The following AEBP2 variants were observed in gnomAD, a reference collection of about 807,000 sequenced individuals.
AEBP2 encodes the protein AE binding protein 2, also known as zinc finger protein AEBP2.
In AEBP2, 10 loss-of-function variants were observed where a neutral mutation model predicts 50.8. That is an observed-to-expected ratio of 0.20 (90% CI 0.12 to 0.33). The LOEUF is 0.33. Ranked by LOEUF, AEBP2 falls within the 10% of genes least tolerant of loss-of-function variation. The pLI, the probability that AEBP2 is intolerant of heterozygous loss-of-function variation, is 1.00. For missense variants in AEBP2, 570 were observed against 688.0 expected (o/e 0.83, Z 1.92); for synonymous variants, 296 against 261.3 (o/e 1.13, Z -1.28).
intron 4 of AEBP2, among the ~76,000 whole-genome samples, chr12:19,498,818 A>T (rs939199632): frequency 6.6e-6 from 1 of 152,122 alleles, no homozygotes; most frequent in African/African-American, 2.4e-5. Context: ...TGATCACACT[A>T]AAATACTGCC....
chr12:19,440,075 G>A lies in AEBP2; in HGVS notation c.376G>A (p.Val126Met). ...GGAGGAGAGTAGCGCCGAGAGCCTG[G>A]TGGGCAGCAGCGGCGGGAGCAGCAG... is the stretch of plus-strand genomic sequence containing the variant. ...GEEESSAESL[V>M]GSSGGSSSDE... Residue 126 changes from valine (V) to methionine (M), a missense_variant, in exon 1 of 8, where the codon GTG becomes ATG. Physicochemically the swap from Val to Met is conservative, Grantham distance 21. Transcript: ENST00000266508. The A allele has an allele frequency of 6.6e-7, 1 of 1,513,132 alleles. No individual in the cohort carries two copies. Among genetic ancestry groups the A allele is most frequent in the East Asian group, 2.6e-5 (1 of 37,792 alleles). The allele number at this position is 1,513,132 out of a possible 1,614,324, so 93.7% of individuals were successfully genotyped here. A position where few individuals can be genotyped will look rare whatever the true frequency, so the allele number is the denominator to read the frequency against.
chr12:19,474,300 A>C (rs1025509811), intron 3 of AEBP2, among the ~76,000 whole-genome samples: 27 of 152,342 alleles, frequency 1.8e-4, no homozygotes, highest in African/African-American at 6.0e-4. Flanking sequence ...GGAGTTTAAT[A>C]GTTGTTAAAA....
chr12:19,425,571 C>T (rs982437032), intron 1 of AEBP2, among the ~76,000 whole-genome samples: 4 of 151,714 alleles, frequency 2.6e-5, no homozygotes, highest in African/African-American at 4.8e-5. Flanking sequence ...TTTGAGAGTT[C>T]GAGACCAGGC....
At chr12:19,483,128 T>C (rs1397866311) in intron 3 of AEBP2, among the ~76,000 whole-genome samples, 1 of 152,140 alleles carries the variant, frequency 6.6e-6, no homozygotes, top group East Asian at 1.9e-4. Flanking sequence ...TACTATCTCA[T>C]TTAGAAGCTT....
chr12:19,440,677 T>A, intron 1 of AEBP2: 1 of 1,532,864 alleles, frequency 6.5e-7, no homozygotes, highest in Non-Finnish European at 8.7e-7. Flanking sequence ...CGGGCCCAGA[T>A]CCTCTGGCGG....
At chr12:19,431,436 C>A (rs975110337) in intron 1 of AEBP2, among the ~76,000 whole-genome samples, 2 of 152,082 alleles carry the variant, frequency 1.3e-5, no homozygotes, top group African/African-American at 4.8e-5. Flanking sequence ...TTTGGCAAGT[C>A]AGATATAAAA....
chr12:19,497,714 C>T (rs139853660), intron 4 of AEBP2, among the ~76,000 whole-genome samples: 6 of 152,180 alleles, frequency 3.9e-5, no homozygotes, highest in African/African-American at 9.6e-5. Context: ...TCAAGTGATC[C>T]GCCTCCTGCC....
intron 2 of AEBP2, among the ~76,000 whole-genome samples, chr12:19,468,585 TG>T (rs1948522665): frequency 6.6e-6 from 1 of 152,238 alleles, no homozygotes; most frequent in Non-Finnish European, 1.5e-5. Flanking sequence ...CATAGATGTT[TG>T]TGCATTTATC....
intron 1 of AEBP2, among the ~76,000 whole-genome samples, chr12:19,416,530 C>G (rs750424728): frequency 6.6e-6 from 1 of 150,930 alleles, no homozygotes; most frequent in African/African-American, 2.4e-5. Context: ...CTCAGGCTCC[C>G]GAGTAGCTGG....
chr12:19,434,640 C>T (rs1487993925), upstream of AEBP2, among the ~76,000 whole-genome samples: 1 of 152,190 alleles, frequency 6.6e-6, no homozygotes, highest in Non-Finnish European at 1.5e-5. Context: ...TCAGGATCAT[C>T]AAACCTGTCA....
chr12:19,468,427 G>T (rs561401351), intron 2 of AEBP2, among the ~76,000 whole-genome samples: 168 of 152,248 alleles, frequency 1.1e-3, no homozygotes, highest in African/African-American at 3.3e-3. Flanking sequence ...TCTGCATTTA[G>T]AATATATTTG....
intron 4 of AEBP2, among the ~76,000 whole-genome samples, chr12:19,496,607 T>C (rs191122398): frequency 6.6e-6 from 1 of 152,160 alleles, no homozygotes; most frequent in African/African-American, 2.4e-5. Context: ...ACCTTATAAA[T>C]AGCAGCACTG....
chr12:19,475,705 A>G (rs1304001168), intron 3 of AEBP2, among the ~76,000 whole-genome samples: 12 of 152,052 alleles, frequency 7.9e-5, no homozygotes, highest in Admixed American at 3.9e-4. Flanking sequence ...TTATATTCTC[A>G]CCAGCAGTGT....
intron 5 of AEBP2, among the ~76,000 whole-genome samples, chr12:19,511,271 GTTC>G (rs1949228405): frequency 6.6e-6 from 1 of 152,132 alleles, no homozygotes; most frequent in Admixed American, 6.5e-5. Flanking sequence ...TATGATAACT[GTTC>G]TTCTGTAAAA....
chr12:19,487,472 C>A (rs1451731347), intron 3 of AEBP2, among the ~76,000 whole-genome samples: 5 of 152,172 alleles, frequency 3.3e-5, no homozygotes, highest in African/African-American at 4.8e-5. Flanking sequence ...AATCCCAGCA[C>A]TTTGGGAGGC....
chr12:19,447,193 A>G (rs1400807104), intron 1 of AEBP2, among the ~76,000 whole-genome samples: 1 of 152,224 alleles, frequency 6.6e-6, no homozygotes, highest in Non-Finnish European at 1.5e-5. Flanking sequence ...ACAAGTGTGT[A>G]CGTCTCTCAG....
At chr12:19,484,664 C>T (rs7955129) in intron 3 of AEBP2, among the ~76,000 whole-genome samples, 38,588 of 151,964 alleles carry the variant, frequency 0.25, 5,663 homozygotes, top group African/African-American at 0.41. Flanking sequence ...TGAGCCACCG[C>T]GCCTGGCCCA....
chr12:19,473,118 T>G (rs957576273), intron 2 of AEBP2, 130 bp from the exon 3 acceptor site: 1 of 360,402 alleles, frequency 2.8e-6, no homozygotes, highest in Non-Finnish European at 4.8e-6. Flanking sequence ...ATTAAGCATT[T>G]TGATTGGCTT....
chr12:19,486,306 A>T (rs1012260548), intron 3 of AEBP2, among the ~76,000 whole-genome samples: 6 of 152,182 alleles, frequency 3.9e-5, no homozygotes, highest in African/African-American at 7.2e-5. Context: ...ATTTAAAAAC[A>T]TTGCTCTGTA....
Sources: gnomAD v4.1 joint callset for allele counts (sites outside exome capture counted in the v4.1 genomes callset) on GRCh38, gnomAD v4.1.1 for gene constraint, MANE v1.5 for transcripts, NCBI Gene and HGNC (gene_info 2026-07-23, HGNC 2026-07-21) for gene names.